TMEM9: variants seen among roughly 807,000 people sequenced by gnomAD.
The protein encoded by TMEM9 is proton-transporting V-type ATPase complex assembly regulator TMEM9.
In TMEM9, 13 loss-of-function variants were observed where a neutral mutation model predicts 22.8. That is an observed-to-expected ratio of 0.57 (90% CI 0.37 to 0.91). The LOEUF (loss-of-function observed/expected upper bound fraction) is 0.91. TMEM9 is among the 40% of genes least tolerant of loss of function. The probability of loss-of-function intolerance (pLI) is 0.01; values close to 1 mark genes in which losing one functional copy is unlikely to be tolerated. For missense variants in TMEM9, 182 were observed against 238.1 expected (o/e 0.76, Z 1.55); for synonymous variants, 88 against 93.0 (o/e 0.95, Z 0.31).
rs1230794423 is a variant in TMEM9 at position 201,143,863 on chromosome 1, G to A, written c.356C>T (p.Pro119Leu). The A allele has an allele frequency of 6.2e-6, 10 of 1,613,910 alleles. No individual in the cohort carries two copies. The highest frequency in any genetic ancestry group is 2.7e-5 in the African/African-American group (2 of 74,878). ...GTGCAGTTGCTCAGTATATGCATCC[G>A]GCTTTCGGATCAGAGGGTCCACCAG... ...LMLVDPLIRKPDAYTEQLHNE... is the reference protein window; with the variant it reads ...LMLVDPLIRKLDAYTEQLHNE... Residue 119 changes from proline (P) to leucine (L), a missense_variant, in exon 4 of 5, where the codon CCG (proline) becomes CTG (leucine). Pro to Leu is a moderately conservative substitution (Grantham distance 98). Coordinates refer to ENST00000367330, the MANE Select transcript of TMEM9 (RefSeq NM_001288565.2).
At chr1:201,136,232 A>G (rs1466785712) in intron 4 of TMEM9, among the ~76,000 whole-genome samples, 1 of 152,158 alleles carries the variant, frequency 6.6e-6, no homozygotes, top group Non-Finnish European at 1.5e-5. Context: ...TCAAGACCTC[A>G]CTTAGGCAGA....
Position 201,163,159 on chromosome 1 carries a change from C to T in TMEM9, c.-37+8331G>A, listed in dbSNP as rs151106209. ...AGAATTAGCTGGGTGTGATGGTGCA[C>T]GCCTGTAGTACCAGCTACTCAGGAG... On this transcript the variant is annotated intron_variant, in intron 1 of 5. Transcript: ENST00000367333. Among the ~76,000 whole-genome samples the T allele has an allele frequency of 5.1e-3, 777 of 152,052 alleles. 34 individuals are homozygous for T. In the East Asian group the frequency reaches 0.12, roughly 24 times the overall value.
At chr1:201,136,945 G>C (rs535664640) in intron 4 of TMEM9, among the ~76,000 whole-genome samples, 20 of 152,364 alleles carry the variant, frequency 1.3e-4, no homozygotes, top group Non-Finnish European at 2.4e-4. Context: ...TGGGGCGAAG[G>C]GGGGTGGTGA....
At chr1:201,140,704 G>T (rs959945441) in intron 4 of TMEM9, among the ~76,000 whole-genome samples, 1 of 152,202 alleles carries the variant, frequency 6.6e-6, no homozygotes, top group Admixed American at 6.5e-5. Context: ...CTTCTGGGGC[G>T]TAGGGCCTGA....
chr1:201,150,743 T>C (rs2102271699), intron 2 of TMEM9, among the ~76,000 whole-genome samples: 1 of 152,308 alleles, frequency 6.6e-6, no homozygotes, highest in East Asian at 1.9e-4. Context: ...GAAAGGTTAC[T>C]GCCTCCCCTC....
intron 4 of TMEM9, among the ~76,000 whole-genome samples, chr1:201,139,683 T>C (rs1376257464): frequency 1.3e-5 from 2 of 152,104 alleles, no homozygotes; most frequent in African/African-American, 2.4e-5. Context: ...CAGGCTTCCC[T>C]CCAGCAATCA....
upstream of TMEM9, among the ~76,000 whole-genome samples, chr1:201,156,423 A>C (rs3753969): frequency 0.16 from 24,352 of 152,016 alleles, 2,347 homozygotes; most frequent in East Asian, 0.39. Context: ...TCATTGCTCA[A>C]TCCCTGGTAG....
chr1:201,153,709 AC>A (rs1665613825), intron 1 of TMEM9, 148 bp downstream of exon 1: 1 of 1,543,702 alleles, frequency 6.5e-7, no homozygotes, highest in Non-Finnish European at 8.8e-7. Context: ...GCAGCCTTGA[AC>A]CTGAAGGAAG....
chr1:201,151,130 G>A (rs372090480), intron 2 of TMEM9, among the ~76,000 whole-genome samples: 2 of 152,142 alleles, frequency 1.3e-5, no homozygotes, highest in East Asian at 1.9e-4. Flanking sequence ...ATCAATCATC[G>A]TGTGTCCCCA....
At chr1:201,140,867 G>A (rs563365055) in intron 4 of TMEM9, among the ~76,000 whole-genome samples, 4 of 152,258 alleles carry the variant, frequency 2.6e-5, no homozygotes, top group South Asian at 4.2e-4. Flanking sequence ...TGCTGCTGCC[G>A]CTCAGCTGAA....
intron 4 of TMEM9, among the ~76,000 whole-genome samples, chr1:201,140,869 T>C (rs1664461841): frequency 6.6e-6 from 1 of 152,206 alleles, no homozygotes; most frequent in Admixed American, 6.5e-5. Flanking sequence ...CTGCTGCCGC[T>C]CAGCTGAATG....
At chr1:201,157,341 C>T (rs184181630), upstream of TMEM9, among the ~76,000 whole-genome samples, 1 of 152,184 alleles carries the variant, frequency 6.6e-6, no homozygotes, top group Admixed American at 6.5e-5. Context: ...CATGTGCTAA[C>T]AAAAAAGGGA....
intron 4 of TMEM9, among the ~76,000 whole-genome samples, chr1:201,140,533 G>A (rs780126346): frequency 1.6e-4 from 25 of 152,176 alleles, no homozygotes; most frequent in African/African-American, 5.1e-4. Context: ...CTCCATGAAC[G>A]GGGCTGAGGC....
intron 1 of TMEM9, among the ~76,000 whole-genome samples, chr1:201,165,150 T>TTA (rs57281429): frequency 0.058 from 5,029 of 86,882 alleles, 154 homozygotes; most frequent in Middle Eastern, 0.11. Flanking sequence ...TAAGAGAAAA[T>TTA]TATATATATA....
chr1:201,147,121 C>T (rs1665042173), intron 2 of TMEM9, among the ~76,000 whole-genome samples: 1 of 152,154 alleles, frequency 6.6e-6, no homozygotes, highest in Non-Finnish European at 1.5e-5. Flanking sequence ...CAGGGTTCTA[C>T]CCCCAGCCGC....
upstream of TMEM9, among the ~76,000 whole-genome samples, chr1:201,155,538 G>A (rs1665762891): frequency 6.6e-6 from 1 of 152,198 alleles, no homozygotes; most frequent in Admixed American, 6.5e-5. Flanking sequence ...AGAGTGACCT[G>A]TGTTTGGTAG....
chr1:201,138,371 G>A lies in TMEM9; in HGVS notation c.400-2556C>T, dbSNP rs182024770. On this transcript the variant is annotated intron_variant, in intron 4 of 4. Coordinates refer to ENST00000367330, the MANE Select transcript of TMEM9 (RefSeq NM_001288565.2). ...GCCACTGAGAGGCTGAGTTTCCATC[G>A]CTAATAGTCTGATTAAAAGGTATTA... is the stretch of plus-strand genomic sequence containing the variant. 8.3e-4 allele frequency among the ~76,000 whole-genome samples: 127 copies of A among 152,294 alleles called. 1 individual carries two copies. Among genetic ancestry groups the A allele is most frequent in the African/African-American group, 3.0e-3 (123 of 41,574 alleles).
At chr1:201,146,210 C>G (rs1244508174) in intron 3 of TMEM9, among the ~76,000 whole-genome samples, 1 of 152,104 alleles carries the variant, frequency 6.6e-6, no homozygotes, top group African/African-American at 2.4e-5. Flanking sequence ...CTGAATTCAC[C>G]CAAATGATCA....
intron 1 of TMEM9, among the ~76,000 whole-genome samples, chr1:201,169,675 T>C (rs1305788229): frequency 2.0e-5 from 3 of 152,170 alleles, no homozygotes; most frequent in Non-Finnish European, 2.9e-5. Context: ...AATTTCTTGC[T>C]ATCAGTGAGG....
Sources: gnomAD v4.1 joint callset for allele counts (sites outside exome capture counted in the v4.1 genomes callset) on GRCh38, gnomAD v4.1.1 for gene constraint, MANE v1.5 for transcripts, NCBI Gene and HGNC (gene_info 2026-07-23, HGNC 2026-07-21) for gene names.